STK32B: variants seen among roughly 807,000 people sequenced by gnomAD.
The protein encoded by STK32B is serine/threonine-protein kinase 32B.
Under a neutral mutation model 52.6 loss-of-function variants are expected in STK32B, and 43 were observed. The observed-to-expected ratio is 0.82, with a 90% confidence interval of 0.64 to 1.05. The LOEUF (loss-of-function observed/expected upper bound fraction) is 1.05, where lower values mean the gene tolerates loss of function less well. Among genes scored for constraint, STK32B ranks in the 50% least tolerant of loss-of-function variants. STK32B has a pLI of 0.00. For missense variants in STK32B, 621 were observed against 534.6 expected (o/e 1.16, Z -1.59); for synonymous variants, 238 against 204.3 (o/e 1.17, Z -1.41).
intron 3 of STK32B, among the ~76,000 whole-genome samples, chr4:5,308,165 G>GGT (rs1730052765): frequency 6.6e-6 from 1 of 152,138 alleles, no homozygotes; most frequent in African/African-American, 2.4e-5. Flanking sequence ...GAGAGGATGA[G>GGT]GTGATGGGCA....
chr4:5,322,849 A>T (rs1412159752), intron 3 of STK32B, among the ~76,000 whole-genome samples: 1 of 152,168 alleles, frequency 6.6e-6, no homozygotes, highest in Non-Finnish European at 1.5e-5. Flanking sequence ...AGCAACAGGC[A>T]CTGCCTCCCT....
At chr4:5,129,257 G>C (rs1577088140) in intron 1 of STK32B, among the ~76,000 whole-genome samples, 1 of 152,148 alleles carries the variant, frequency 6.6e-6, no homozygotes, top group Admixed American at 6.5e-5. Flanking sequence ...TTCCCCAGTA[G>C]CTAGCCAGTT....
chr4:5,230,774 C>A (rs1305123231), intron 3 of STK32B, among the ~76,000 whole-genome samples: 2 of 152,140 alleles, frequency 1.3e-5, no homozygotes, highest in Admixed American at 6.5e-5. Flanking sequence ...ACTCAGGAAA[C>A]CTTAGCTGCT....
intron 4 of STK32B, among the ~76,000 whole-genome samples, chr4:5,371,627 G>A (rs535350923): frequency 6.6e-6 from 1 of 152,250 alleles, no homozygotes; most frequent in South Asian, 2.1e-4. Flanking sequence ...CCCTGGCTGT[G>A]CTCTGCGTGC....
rs562412278 is a variant in STK32B at position 5,379,624 on chromosome 4, G to T, written c.435-18583G>T. On this transcript the variant is annotated intron_variant, in intron 4 of 11. Coordinates refer to ENST00000282908, the MANE Select transcript of STK32B (RefSeq NM_018401.3). ...TATTAAGTTAAAGTGAGGTCATTAGGATGGGCCCTAATACATAAAATATGC... is the reference window on the plus strand; with the variant it reads ...TATTAAGTTAAAGTGAGGTCATTAGTATGGGCCCTAATACATAAAATATGC... Among the ~76,000 whole-genome samples the T allele has an allele frequency of 1.7e-3, 255 of 152,240 alleles. 2 individuals carry two copies. The highest frequency in any genetic ancestry group is 5.9e-3 in the African/African-American group (244 of 41,540).
chr4:5,336,250 T>C (rs1255942994), intron 4 of STK32B, among the ~76,000 whole-genome samples: 2 of 151,374 alleles, frequency 1.3e-5, no homozygotes, highest in African/African-American at 2.4e-5. Context: ...GTGATTTCAA[T>C]GGGAATGTGA....
chr4:5,232,357 T>C (rs1266947120), intron 3 of STK32B, among the ~76,000 whole-genome samples: 2 of 152,200 alleles, frequency 1.3e-5, no homozygotes, highest in Admixed American at 6.5e-5. Flanking sequence ...ATATGTGTAA[T>C]AACTATAATG....
chr4:5,248,090 A>T (rs1277863155), intron 3 of STK32B, among the ~76,000 whole-genome samples: 1 of 152,184 alleles, frequency 6.6e-6, no homozygotes. Context: ...GTACAGTAAC[A>T]TAGTGGGTGT....
intron 6 of STK32B, among the ~76,000 whole-genome samples, chr4:5,440,010 T>G (rs576502596): frequency 1.2e-3 from 180 of 152,330 alleles, no homozygotes; most frequent in African/African-American, 3.9e-3. Flanking sequence ...ACTGTAGTCT[T>G]GTAGTATAGT....
At chr4:5,056,506 A>G (rs553478189) in intron 1 of STK32B, among the ~76,000 whole-genome samples, 88 of 152,374 alleles carry the variant, frequency 5.8e-4, no homozygotes, top group South Asian at 4.6e-3. Flanking sequence ...CCATGGCTGG[A>G]AGCAGGCTCC....
chr4:5,355,196 T>A (rs1049062828), intron 4 of STK32B, among the ~76,000 whole-genome samples: 1 of 152,220 alleles, frequency 6.6e-6, no homozygotes, highest in African/African-American at 2.4e-5. Flanking sequence ...AAATAACGTG[T>A]GATGCATGTT....
At chr4:5,187,976 T>C (rs2108760645) in intron 3 of STK32B, among the ~76,000 whole-genome samples, 1 of 152,254 alleles carries the variant, frequency 6.6e-6, no homozygotes, top group East Asian at 1.9e-4. Context: ...TCTTCCTAGG[T>C]GTGTACCCCT....
intron 3 of STK32B, among the ~76,000 whole-genome samples, chr4:5,237,562 A>T (rs546735398): frequency 1.3e-5 from 2 of 152,348 alleles, no homozygotes; most frequent in East Asian, 3.9e-4. Flanking sequence ...TTGATCAGAA[A>T]TATGAAGACA....
rs116684806 is a variant in STK32B, at chr4:5,364,604, C to G, written c.434+33211C>G. 3.7e-3 allele frequency among the ~76,000 whole-genome samples: 570 copies of G among 152,286 alleles called. 3 individuals are homozygous for G. The highest frequency in any genetic ancestry group is 0.013 in the African/African-American group (551 of 41,558). On this transcript the variant is annotated intron_variant, in intron 4 of 11. Coordinates refer to ENST00000282908, the MANE Select transcript of STK32B (RefSeq NM_018401.3). ...ATTCTGATTGGTTCTGCCTGAGTCA[C>G]GTGACTATCCCTGAATGAGTTGAAC...
At chr4:5,486,735 G>A (rs1267750589) in intron 11 of STK32B, among the ~76,000 whole-genome samples, 1 of 152,214 alleles carries the variant, frequency 6.6e-6, no homozygotes. Flanking sequence ...TAGGGGACTG[G>A]AGCTGGCTCC....
At chr4:5,087,494 G>T (rs1489513810) in intron 1 of STK32B, among the ~76,000 whole-genome samples, 1 of 151,864 alleles carries the variant, frequency 6.6e-6, no homozygotes, top group Admixed American at 6.6e-5. Flanking sequence ...CCAATTAAAA[G>T]ATAGATATTG....
chr4:5,131,608 G>T (rs548193655), intron 1 of STK32B, among the ~76,000 whole-genome samples: 73 of 152,102 alleles, frequency 4.8e-4, no homozygotes, highest in Admixed American at 1.3e-4. Flanking sequence ...CAGCAGTCCA[G>T]CCATCCTTGC....
At chr4:5,097,442 T>G (rs1308266741) in intron 1 of STK32B, among the ~76,000 whole-genome samples, 1 of 152,250 alleles carries the variant, frequency 6.6e-6, no homozygotes, top group African/African-American at 2.4e-5. Flanking sequence ...AGAAGGATAC[T>G]GTTTCAACAG....
At chr4:5,495,147 C>T (rs549045209) in intron 11 of STK32B, among the ~76,000 whole-genome samples, 2 of 152,296 alleles carry the variant, frequency 1.3e-5, no homozygotes. Flanking sequence ...GGGAAGTTCT[C>T]CTGGATAATA....
Sources: gnomAD v4.1 joint callset for allele counts (sites outside exome capture counted in the v4.1 genomes callset) on GRCh38, gnomAD v4.1.1 for gene constraint, MANE v1.5 for transcripts, NCBI Gene and HGNC (gene_info 2026-07-23, HGNC 2026-07-21) for gene names.